The following ARID1B variants were observed in gnomAD, a reference collection of about 807,000 sequenced individuals.
The protein encoded by ARID1B is AT-rich interactive domain-containing protein 1B.
A neutral mutation model predicts 212.3 loss-of-function variants in ARID1B; 30 were observed. The ratio of observed to expected loss-of-function variants is 0.14; its 90% confidence interval spans 0.11 to 0.19. The LOEUF is 0.19. Ranked by LOEUF, ARID1B falls within the 10% of genes least tolerant of loss-of-function variation. The probability of loss-of-function intolerance (pLI) is 1.00; values close to 1 mark genes in which losing one functional copy is unlikely to be tolerated. For missense variants in ARID1B, 2,891 were observed against 3,204.0 expected, an observed-to-expected ratio of 0.90 and a Z score of 2.36; for synonymous variants, 1,402 against 1,301.7, an observed-to-expected ratio of 1.08 and a Z score of -1.66.
At chr6:156,919,386 T>G (rs1271624448) in intron 3 of ARID1B, among the ~76,000 whole-genome samples, 2 of 152,324 alleles carry the variant, frequency 1.3e-5, no homozygotes, top group African/African-American at 2.4e-5. Context: ...ATTTTAAGTT[T>G]TTTTTTTCTT....
intron 9 of ARID1B, chr6:157,173,660 CTCCTG>C (rs1791875087): frequency 5.9e-6 from 1 of 168,740 alleles, no homozygotes. Context: ...TTGCCTCCAA[CTCCTG>C]ATTAGTAATT....
intron 8 of ARID1B, among the ~76,000 whole-genome samples, chr6:157,152,734 G>T (rs570874027): frequency 9.2e-5 from 14 of 152,298 alleles, no homozygotes; most frequent in Admixed American, 2.6e-4. Flanking sequence ...GCTTGTTGCA[G>T]CAAACTCGTG....
intron 2 of ARID1B, among the ~76,000 whole-genome samples, chr6:156,894,267 C>CGGGGGGTGGGATGGGGGCCG (rs1788197682): frequency 1.5e-4 from 4 of 26,860 alleles, no homozygotes; most frequent in African/African-American, 1.7e-4. Context: ...TGGTGCTTGC[C>CGGGGGGTGGGATGGGGGCCG]GGGGGTTGGG....
intron 3 of ARID1B, among the ~76,000 whole-genome samples, chr6:156,924,075 T>C (rs1791024134): frequency 6.6e-6 from 1 of 152,210 alleles, no homozygotes; most frequent in Non-Finnish European, 1.5e-5. Flanking sequence ...GGCACAGTGC[T>C]AATTGCTTGA....
intron 1 of ARID1B, among the ~76,000 whole-genome samples, chr6:156,781,715 C>G (rs898423500): frequency 6.6e-6 from 1 of 151,724 alleles, no homozygotes; most frequent in African/African-American, 2.4e-5. Flanking sequence ...TTGATTCACA[C>G]GAGGAAAAAC....
At chr6:157,146,405 A>G (rs890088220) in intron 7 of ARID1B, among the ~76,000 whole-genome samples, 6 of 152,182 alleles carry the variant, frequency 3.9e-5, no homozygotes, top group African/African-American at 7.2e-5. Context: ...ACCCAGCTGC[A>G]GGCTCTCCCA....
chr6:157,048,525 A>G (rs570674960), intron 4 of ARID1B, among the ~76,000 whole-genome samples: 1 of 152,278 alleles, frequency 6.6e-6, no homozygotes, highest in South Asian at 2.1e-4. Flanking sequence ...CTGGGAGACT[A>G]TTTGTTTTGT....
At chr6:157,056,867 C>A (rs916373182) in intron 4 of ARID1B, among the ~76,000 whole-genome samples, 1 of 148,134 alleles carries the variant, frequency 6.8e-6, no homozygotes, top group Non-Finnish European at 1.5e-5. Flanking sequence ...TTTGTTAAAA[C>A]TTTTCTTCTT....
chr6:157,005,783 C>A (rs997644736), intron 4 of ARID1B, among the ~76,000 whole-genome samples: 1 of 152,058 alleles, frequency 6.6e-6, no homozygotes, highest in Admixed American at 6.6e-5. Flanking sequence ...TTTAAAAATG[C>A]TTTTTAGAAG....
intron 4 of ARID1B, among the ~76,000 whole-genome samples, chr6:156,977,653 T>C (rs963047693): frequency 6.6e-6 from 1 of 152,228 alleles, no homozygotes; most frequent in Non-Finnish European, 1.5e-5. Flanking sequence ...TTCAATTGAC[T>C]GATTTTTCTC....
chr6:157,022,271 A>G (rs545816816), intron 4 of ARID1B: 1 of 152,398 alleles, frequency 6.6e-6, no homozygotes, highest in South Asian at 2.1e-4. Flanking sequence ...TTAGCCAGGC[A>G]CTTGGATTCT....
chr6:156,944,576 G>T (rs1056538983), intron 4 of ARID1B, among the ~76,000 whole-genome samples: 1 of 152,154 alleles, frequency 6.6e-6, no homozygotes, highest in African/African-American at 2.4e-5. Context: ...AAAGCTGCAG[G>T]ACGCCGAAAT....
At position 157,181,186 on chromosome 6, in the gene ARID1B, T is replaced by TG. The variant is rs773477373; in HGVS notation, c.3714+9dup. ...ATCGGGGGTTTGGCCCAGGTAAGAA[T>TG]GAGTGAGGGAGGGGGTGAAAAAGGA... On this transcript the variant is annotated intron_variant, in intron 12 of 19. Coordinates refer to ENST00000636930, the MANE Select transcript of ARID1B (RefSeq NM_001374828.1). The TG allele has an allele frequency of 6.2e-7, 1 of 1,613,396 alleles. No individual in the cohort carries two copies. Among genetic ancestry groups the TG allele is most frequent in the South Asian group, 1.1e-5 (1 of 91,052 alleles).
At chr6:156,907,941 C>T (rs909148322) in intron 3 of ARID1B, among the ~76,000 whole-genome samples, 6 of 151,452 alleles carry the variant, frequency 4.0e-5, no homozygotes, top group Non-Finnish European at 5.9e-5. Flanking sequence ...AAGATGAGTC[C>T]CTTTTTTAAT....
At chr6:156,953,727 G>A (rs1425379298) in intron 4 of ARID1B, among the ~76,000 whole-genome samples, 1 of 152,162 alleles carries the variant, frequency 6.6e-6, no homozygotes. Context: ...CTGGAAGTCT[G>A]AAATTACATC....
intron 4 of ARID1B, among the ~76,000 whole-genome samples, chr6:156,951,510 C>G (rs1252668286): frequency 6.6e-6 from 1 of 151,836 alleles, no homozygotes; most frequent in Non-Finnish European, 1.5e-5. Flanking sequence ...GTGGTGCCAT[C>G]TCGGCTCACT....
chr6:156,831,140 T>C (rs1783110742), intron 2 of ARID1B, among the ~76,000 whole-genome samples: 1 of 152,208 alleles, frequency 6.6e-6, no homozygotes, highest in South Asian at 2.1e-4. Flanking sequence ...GTGGAAGAGT[T>C]GCGATTTTCT....
chr6:157,152,877 A>G (rs569881809), intron 8 of ARID1B, among the ~76,000 whole-genome samples: 7 of 152,372 alleles, frequency 4.6e-5, no homozygotes, highest in African/African-American at 1.7e-4. Context: ...TGGGATTCAC[A>G]GAGCTTGTCA....
intron 3 of ARID1B, among the ~76,000 whole-genome samples, chr6:156,907,321 A>G (rs1789481790): frequency 1.3e-5 from 2 of 152,088 alleles, no homozygotes; most frequent in Admixed American, 6.5e-5. Flanking sequence ...GTGGATACTG[A>G]ATTTTATCTT....
Sources: gnomAD v4.1 joint callset for allele counts (sites outside exome capture counted in the v4.1 genomes callset) on GRCh38, gnomAD v4.1.1 for gene constraint, MANE v1.5 for transcripts, NCBI Gene and HGNC (gene_info 2026-07-23, HGNC 2026-07-21) for gene names.